Variants in FLG observed in about 807,000 individuals in gnomAD.
The protein encoded by FLG is epidermal filaggrin.
In FLG, 6 loss-of-function variants were observed where a neutral mutation model predicts 3.8. The observed-to-expected ratio is 1.60, with a 90% CI of 0.87 to 3.15. The LOEUF (loss-of-function observed/expected upper bound fraction) is 3.15, where lower values mean the gene tolerates loss of function less well. Among genes scored for constraint, FLG ranks in the 30% most tolerant of loss-of-function variants. The pLI is 0.00. For synonymous variants in FLG, 2,551 were observed against 1,931.6 expected (o/e 1.32, Z -8.41); for missense variants, 7,595 against 5,050.9 (o/e 1.50, Z -15.27).
chr1:152,310,668 G>C lies in FLG; in HGVS notation c.4218C>G (p.Asp1406Glu), dbSNP rs1652342340. 1 of 1,613,822 alleles carries C rather than the reference G, an allele frequency of 6.2e-7. No individual in the cohort carries two copies. Among genetic ancestry groups the C allele is most frequent in the East Asian group, 2.2e-5 (1 of 44,842 alleles). The change falls in exon 3 of 3, where the codon GAC becomes GAG. Residue 1406 changes from aspartate (D) to glutamate (E), a missense_variant. Transcript: ENST00000368799. Reference sequence around the variant, plus strand: ...GTCCGTGGGCTGACACTGACTGTGTGTCTGAGTCTTCTGAATGTCCCTCAC... The same window carrying C: ...GTCCGTGGGCTGACACTGACTGTGTCTCTGAGTCTTCTGAATGTCCCTCAC... ...TNSEGHSEDS[D>E]TQSVSAHGQA...
At position 152,313,595 on chromosome 1, in the gene FLG, T is replaced by C. The variant is rs765082230; in HGVS notation, c.1291A>G (p.Asn431Asp). 2.5e-6 allele frequency: 4 copies of C among 1,613,558 alleles called. No individual in the cohort carries two copies. Among genetic ancestry groups the C allele is most frequent in the Non-Finnish European group, 3.4e-6 (4 of 1,179,924 alleles). The change falls in exon 3 of 3, where the codon AAC becomes GAC. Residue 431 changes from asparagine (N) to aspartate (D), a missense_variant. By Grantham distance (23) the Asn-to-Asp change is conservative. Transcript: ENST00000368799. ...QASDSEGHSE[N>D]SDTQSVSGHG... ...CCTGACACTGATTGTGTGTCTGAGTTTTCTGAATGTCCCTCACTGTCACTG... is the reference window on the plus strand; with the variant it reads ...CCTGACACTGATTGTGTGTCTGAGTCTTCTGAATGTCCCTCACTGTCACTG...
Position 152,308,499 on chromosome 1 carries a change from T to G in FLG, c.6387A>C (p.Ser2129=), listed in dbSNP as rs1652143691. The G allele has an allele frequency of 6.2e-7, 1 of 1,613,706 alleles. No individual in the cohort carries two copies. The highest frequency in any genetic ancestry group is 2.2e-5 in the East Asian group (1 of 44,862). The change falls in exon 3 of 3, where the codon TCA becomes TCC. Residue 2129 remains serine (S), a synonymous_variant. Transcript: ENST00000368799. The part of the protein sequence containing the change: ...YDQAQDSSRH[S]ASQEGQDTIR... The stretch of plus-strand genomic sequence containing the variant: ...TGGTGTCCTGACCCTCTTGGGATGC[T>G]GAGTGCCTGGAGCTGTCTTGTGCCT...
At position 152,309,048 on chromosome 1, in the gene FLG, A is replaced by T. The variant is rs1354602653; in HGVS notation, c.5838T>A (p.Ala1946=). The T allele has an allele frequency of 3.1e-6, 5 of 1,614,142 alleles. No individual in the cohort carries two copies. The highest frequency in any genetic ancestry group is 3.4e-6 in the Non-Finnish European group (4 of 1,180,004). The change falls in exon 3 of 3, where the codon GCT becomes GCA. Residue 1946 remains alanine, a synonymous_variant. Transcript: ENST00000368799. ...GSASRNHLGS[A]WEQSRDGSRH... is the part of the protein sequence containing the mutation. ...TGGAGCCATCTCTTGACTGCTCCCA[A>T]GCAGATCCAAGATGGTTTCTGGAAG...
At position 152,303,168 on chromosome 1, in the gene FLG, G is replaced by T; in HGVS notation, c.11718C>A (p.His3906Gln). Residue 3906 changes from histidine (H) to glutamine (Q), a missense_variant, in exon 3 of 3, where the codon CAC (histidine) becomes CAA (glutamine). By Grantham distance (24) the His-to-Gln change is conservative (BLOSUM62 0). Coordinates refer to ENST00000368799, the MANE Select transcript of FLG (RefSeq NM_002016.2). ...ACTGTACATGACTGGCTGTATCGCG[G>T]TGAGAGGATCCGGGGTGTCTGGAGC... The part of the protein sequence containing the change: ...RDGSRHPGSS[H>Q]RDTASHVQSS... 3 of 1,614,182 alleles carry T rather than the reference G, an allele frequency of 1.9e-6. No homozygotes were observed. The highest frequency in any genetic ancestry group is 1.7e-5 in the Admixed American group (1 of 60,028).
rs1256871476 is a variant in FLG, at chr1:152,307,460, AT to A, written c.7425del (p.Ser2476ProfsTer7). 1 of 1,612,794 alleles carries A rather than the reference AT, an allele frequency of 6.2e-7. No homozygotes were observed. Among genetic ancestry groups the A allele is most frequent in the African/African-American group, 1.3e-5 (1 of 74,602 alleles). ...HPGSSSGGRQGSHYEQLVDRS... is the reference protein window; with the variant it reads ...HPGSSSGGRQXSHYEQLVDRS... ...CTATCTACCAATTGCTCGTAGTGGG[AT>A]CCCTGCCTTCCTCCACTGCTTGACC... On this transcript the variant is annotated frameshift_variant, in exon 3 of 3. Transcript: ENST00000368799. LOFTEE classifies it low-confidence loss of function (END_TRUNC).
chr1:152,314,900 A>C, intron 2 of FLG, 153 bp from the exon 3 acceptor site: 1 of 847,208 alleles, frequency 1.2e-6, no homozygotes, highest in Non-Finnish European at 1.8e-6. Flanking sequence ...TCTCATCCTC[A>C]TTCAGGTGTT....
At position 152,311,966 on chromosome 1, in the gene FLG, C is replaced by G. The variant is rs1219080480; in HGVS notation, c.2920G>C (p.Ala974Pro). The change falls in exon 3 of 3, where the codon GCT (alanine) becomes CCT (proline). Residue 974 changes from alanine to proline, a missense_variant. By Grantham distance (27) the Ala-to-Pro change is conservative (BLOSUM62 -1). Transcript: ENST00000368799. The part of the protein sequence containing the change: ...GSASRNHRGS[A>P]QEQSRHGSRH... ...GAGCCATGTCTTGACTGCTCCTGAG[C>G]AGATCCACGATGGTTTCTGGAAGCA... 1 of 1,613,940 alleles carries G rather than the reference C, an allele frequency of 6.2e-7. No homozygotes were observed. The highest frequency in any genetic ancestry group is 1.7e-5 in the Admixed American group (1 of 60,000).
In FLG at chr1:152,319,564, A is replaced by T. The variant is rs546556622; in HGVS notation, c.-21-4087T>A. On this transcript the variant is annotated intron_variant, in intron 1 of 2. Transcript: ENST00000368799. ...AATAAAACTGCTGAACATTTGAGGC[A>T]ATGAGGAAATCCTAAGAGCAGACAG... Among the ~76,000 whole-genome samples, 5 of 151,688 alleles carry T rather than the reference A, an allele frequency of 3.3e-5. No homozygotes were observed. The East Asian group carries it at 9.6e-4, about 29-fold the overall frequency.
At position 152,313,218 on chromosome 1, in the gene FLG, A is replaced by C; in HGVS notation, c.1668T>G (p.Asp556Glu). ...TGGATCCTGACTGCCCATGGGAGGC[A>C]TCAGACCTTCCCTGGGATGTGGTGT... is the stretch of plus-strand genomic sequence containing the variant. ...HSHTTSQGRS[D>E]ASHGQSGSRS... is the part of the protein sequence containing the mutation. Residue 556 changes from aspartate (D) to glutamate (E), a missense_variant, in exon 3 of 3, where the codon GAT becomes GAG. Asp to Glu is a conservative substitution (Grantham distance 45, BLOSUM62 2). Coordinates refer to ENST00000368799, the MANE Select transcript of FLG (RefSeq NM_002016.2). 6.2e-7 allele frequency: 1 copy of C among 1,613,856 alleles called. No individual in the cohort carries two copies. The highest frequency in any genetic ancestry group is 1.7e-5 in the Admixed American group (1 of 60,000).
Position 152,313,675 on chromosome 1 carries a change from T to A in FLG, c.1211A>T (p.Gln404Leu). ...SSRHSATGRG[Q>L]ASSAVSDRGH... ...ACGATCGCTGACTGCAGATGAAGCT[T>A]GCCCGCGCCCAGTGGCTGAGTGTCT... is the stretch of plus-strand genomic sequence containing the variant. Residue 404 changes from glutamine to leucine, a missense_variant, in exon 3 of 3, where the codon CAA becomes CTA. Transcript: ENST00000368799. 2 of 1,613,964 alleles carry A rather than the reference T, an allele frequency of 1.2e-6. No homozygotes were observed.
rs1652713477 is a variant in FLG at position 152,314,730 on chromosome 1, A to T, written c.156T>A (p.Asp52Glu). ...RQILKNPDDP[D>E]MVDVFMDHLD... Reference sequence around the variant, plus strand: ...AGTGATCCATGAAGACATCAACCATATCTGGGTCATCTGGATTCTGTACAG... The same window carrying T: ...AGTGATCCATGAAGACATCAACCATTTCTGGGTCATCTGGATTCTGTACAG... Residue 52 changes from aspartate (D) to glutamate (E), a missense_variant, in exon 3 of 3, where the codon GAT becomes GAA. Coordinates refer to ENST00000368799, the MANE Select transcript of FLG (RefSeq NM_002016.2). 6.2e-7 allele frequency: 1 copy of T among 1,613,720 alleles called. No homozygotes were observed. Among genetic ancestry groups the T allele is most frequent in the African/African-American group, 1.3e-5 (1 of 74,904 alleles).
Position 152,313,770 on chromosome 1 carries a change from G to A in FLG, c.1116C>T (p.Ser372=), listed in dbSNP as rs965157441. 6.2e-7 allele frequency: 1 copy of A among 1,614,008 alleles called. No homozygotes were observed. Among genetic ancestry groups the A allele is most frequent in the Non-Finnish European group, 8.5e-7 (1 of 1,180,008 alleles). ...CTGGACTTGATCTTGCCTGTTCATG[G>A]GATGATGCAGTCTGTCCACGAGAGG... The part of the protein sequence containing the change: ...ETSSRGQTAS[S]HEQARSSPGE... Residue 372 remains serine (S), a synonymous_variant, in exon 3 of 3, where the codon TCC becomes TCT. Coordinates refer to ENST00000368799, the MANE Select transcript of FLG (RefSeq NM_002016.2).
At position 152,310,616 on chromosome 1, in the gene FLG, T is replaced by G. The variant is rs1165737951; in HGVS notation, c.4270A>C (p.Lys1424Gln). Reference sequence around the variant, plus strand: ...CCTGACTGGCCACGTGCGGACTCTTTGTGGCTCTGCTGATGGGGCCCAGCT... The same window carrying G: ...CCTGACTGGCCACGTGCGGACTCTTGGTGGCTCTGCTGATGGGGCCCAGCT... ...GQAGPHQQSH[K>Q]ESARGQSGES... The change falls in exon 3 of 3, where the codon AAA (lysine) becomes CAA (glutamine). Residue 1424 changes from lysine (K) to glutamine (Q), a missense_variant. Transcript: ENST00000368799. 1.2e-5 allele frequency: 20 copies of G among 1,613,668 alleles called. No individual in the cohort carries two copies. The highest frequency in any genetic ancestry group is 2.7e-5 in the African/African-American group (2 of 74,800).
At chr1:152,323,844 A>T (rs1043805434) in intron 1 of FLG, among the ~76,000 whole-genome samples, 1 of 151,836 alleles carries the variant, frequency 6.6e-6, no homozygotes, top group Non-Finnish European at 1.5e-5. Context: ...GCATAGCCCT[A>T]TTATTTATAA....
Position 152,307,588 on chromosome 1 carries a change from G to T in FLG, c.7298C>A (p.Thr2433Asn). ...QSESAHGRTG[T>N]STGGRQGSHH... Reference sequence around the variant, plus strand: ...GGATCCTTGTCTTCCTCCAGTGCTGGTCCCGGTCCGTCCATGGGCGGACTC... The same window carrying T: ...GGATCCTTGTCTTCCTCCAGTGCTGTTCCCGGTCCGTCCATGGGCGGACTC... Residue 2433 changes from threonine (T) to asparagine (N), a missense_variant, in exon 3 of 3, where the codon ACC becomes AAC. Coordinates refer to ENST00000368799, the MANE Select transcript of FLG (RefSeq NM_002016.2). 3 of 1,613,770 alleles carry T rather than the reference G, an allele frequency of 1.9e-6. No individual in the cohort carries two copies. Among genetic ancestry groups the T allele is most frequent in the South Asian group, 2.2e-5 (2 of 91,064 alleles).
At chr1:152,320,650 T>C (rs1003823101) in intron 1 of FLG, among the ~76,000 whole-genome samples, 7 of 151,044 alleles carry the variant, frequency 4.6e-5, no homozygotes, top group African/African-American at 1.5e-4. Context: ...CAGCAACTGA[T>C]AGAAGAAGTA....
chr1:152,322,030 T>A (rs961386749), intron 1 of FLG, among the ~76,000 whole-genome samples: 1 of 151,086 alleles, frequency 6.6e-6, no homozygotes, highest in Non-Finnish European at 1.5e-5. Context: ...AATAGAATAA[T>A]GGGGAAAATT....
In FLG at chr1:152,302,668, A is replaced by T. The variant is rs536917379; in HGVS notation, c.*32T>A. ...GAAAGTGAACTTGCTTCATTCTTCTATTCTTGGATTAATTCCTTTGCCATT... is the reference window on the plus strand; with the variant it reads ...GAAAGTGAACTTGCTTCATTCTTCTTTTCTTGGATTAATTCCTTTGCCATT... On this transcript the variant is annotated 3_prime_UTR_variant, in exon 3 of 3. Transcript: ENST00000368799. 1.4e-5 allele frequency: 22 copies of T among 1,611,308 alleles called. No homozygotes were observed. The highest frequency in any genetic ancestry group is 1.9e-5 in the Non-Finnish European group (22 of 1,178,690).
chr1:152,309,228 A>C lies in FLG; in HGVS notation c.5658T>G (p.His1886Gln). ...DGSRHSGSRH[H>Q]EASSRADSSR... ...AGCTGTCGGCCCGAGAGGAAGCTTCATGGTGACGCGACCCTGAGTGCCTGG... is the reference window on the plus strand; with the variant it reads ...AGCTGTCGGCCCGAGAGGAAGCTTCCTGGTGACGCGACCCTGAGTGCCTGG... The change falls in exon 3 of 3, where the codon CAT (histidine) becomes CAG (glutamine). Residue 1886 changes from histidine (H) to glutamine (Q), a missense_variant. Transcript: ENST00000368799. The C allele has an allele frequency of 1.2e-6, 2 of 1,613,260 alleles. No homozygotes were observed. The highest frequency in any genetic ancestry group is 1.7e-6 in the Non-Finnish European group (2 of 1,179,858).
Sources: allele counts gnomAD v4.1 joint callset (sites outside exome capture counted in the v4.1 genomes callset), GRCh38; gene constraint gnomAD v4.1.1; transcripts MANE v1.5; gene names NCBI Gene and HGNC (gene_info 2026-07-23, HGNC 2026-07-21).